The following TPM4 variants were observed in gnomAD, a reference collection of about 807,000 sequenced individuals.
TPM4 encodes tropomyosin 4.
In TPM4, 17 loss-of-function variants were observed where a neutral mutation model predicts 35.8. The observed-to-expected ratio is 0.47, with a 90% CI of 0.32 to 0.71. TPM4 has a LOEUF of 0.71. Ranked by LOEUF, TPM4 falls within the 30% of genes least tolerant of loss-of-function variation. The pLI, the probability that TPM4 is intolerant of heterozygous loss-of-function variation, is 0.03. For missense variants in TPM4, 240 were observed against 320.9 expected, an observed-to-expected ratio of 0.75 and a Z score of 1.93; for synonymous variants, 120 against 122.9, an observed-to-expected ratio of 0.98 and a Z score of 0.15.
upstream of TPM4, chr19:16,076,238 G>A (rs965713904): frequency 1.2e-4 from 181 of 1,546,802 alleles, no homozygotes; most frequent in Middle Eastern, 9.7e-4. Flanking sequence ...CGGGAAGGCG[G>A]GGAGAGCCGC....
At chr19:16,094,803 G>C (rs905034408) in intron 7 of TPM4, among the ~76,000 whole-genome samples, 4 of 152,118 alleles carry the variant, frequency 2.6e-5, no homozygotes, top group Non-Finnish European at 4.4e-5. Context: ...GAATCTTGGG[G>C]TTCAAATGGA....
At position 16,088,508 on chromosome 19, in the gene TPM4, G is replaced by A. The variant is rs898873351; in HGVS notation, c.455+411G>A. 8 of 1,053,202 alleles carry A rather than the reference G, an allele frequency of 7.6e-6. No homozygotes were observed. The East Asian group carries it at 2.2e-4, about 29-fold the overall frequency. 65.2% of individuals were successfully genotyped at this position (1,053,202 alleles called of 1,614,324 possible). ...TGTTTGGCCGTGACACATTCCTGGC[G>A]GGAAGGTGAGAAGCTTAACCAGAAT... On this transcript the variant is annotated intron_variant, in intron 4 of 7. Transcript: ENST00000643579.
chr19:16,090,937 G>GC (rs749178635), intron 5 of TPM4, among the ~76,000 whole-genome samples: 5 of 150,652 alleles, frequency 3.3e-5, no homozygotes, highest in Non-Finnish European at 5.9e-5. Flanking sequence ...ATATGTGCCA[G>GC]CCCTGGCATA....
chr19:16,084,718 G>T (rs2090526042), intron 2 of TPM4, among the ~76,000 whole-genome samples: 1 of 152,142 alleles, frequency 6.6e-6, no homozygotes, highest in African/African-American at 2.4e-5. Flanking sequence ...TTGATCTCTT[G>T]GGTACTACAA....
rs548458353 is a variant in TPM4, at chr19:16,091,240, C to T, written c.531+2120C>T. ...CTAATTTTTGTATTTTTAGTAGAGA[C>T]GGAGTTTCACCATGTTGGCCAGGCT... On this transcript the variant is annotated intron_variant, in intron 5 of 7. Coordinates refer to ENST00000643579, the MANE Select transcript of TPM4 (RefSeq NM_003290.3). Among the ~76,000 whole-genome samples, 7 of 151,530 alleles carry T rather than the reference C, an allele frequency of 4.6e-5. No homozygotes were observed. The East Asian group carries it at 9.9e-4, about 21-fold the overall frequency.
chr19:16,102,218 A>G lies in TPM4; in HGVS notation c.*872A>G. On this transcript the variant is annotated 3_prime_UTR_variant, in exon 8 of 8. Transcript: ENST00000643579. ...AAAAATTATGGTGACGCCTGCCTGT[A>G]GTCCCAGCTACTCGGGAGGCTGAGG... 1 of 186,954 alleles carries G rather than the reference A, an allele frequency of 5.3e-6. No homozygotes were observed. Among genetic ancestry groups the G allele is most frequent in the Non-Finnish European group, 1.1e-5 (1 of 88,574 alleles). The allele number at this position is 186,954 out of a possible 1,614,324, so 11.6% of individuals were successfully genotyped here.
At chr19:16,071,634 G>A (rs1394546777), upstream of TPM4, among the ~76,000 whole-genome samples, 13 of 152,338 alleles carry the variant, frequency 8.5e-5, no homozygotes, top group Non-Finnish European at 1.5e-5. Flanking sequence ...AGAAGCCAGC[G>A]CCCCACAGGA....
chr19:16,101,093 C>G (rs1248831439), intron 7 of TPM4, 171 bp from the exon 8 acceptor site: 1 of 461,124 alleles, frequency 2.2e-6, no homozygotes, highest in African/African-American at 2.0e-5. Flanking sequence ...ATTGCTTGAG[C>G]CTGGCAGGTG....
chr19:16,099,086 G>GTGTT (rs901003635), intron 7 of TPM4, among the ~76,000 whole-genome samples: 9 of 151,596 alleles, frequency 5.9e-5, no homozygotes, highest in Non-Finnish European at 8.8e-5. Flanking sequence ...GTGTGTGTGT[G>GTGTT]TGTGTGTGTG....
At chr19:16,079,542 A>G (rs912692333) in intron 1 of TPM4, among the ~76,000 whole-genome samples, 2 of 152,202 alleles carry the variant, frequency 1.3e-5, no homozygotes, top group African/African-American at 2.4e-5. Context: ...AGGACACTGC[A>G]ATACGAAACA....
chr19:16,074,419 T>C (rs2144913623), upstream of TPM4: 1 of 152,262 alleles, frequency 6.6e-6, no homozygotes, highest in East Asian at 1.9e-4. Context: ...TCTTGCTGTG[T>C]CCTCACATTG....
intron 3 of TPM4, 41 bp from the exon 4 acceptor site, chr19:16,087,986 T>G: frequency 6.3e-7 from 1 of 1,586,698 alleles, no homozygotes; most frequent in Non-Finnish European, 8.6e-7. Flanking sequence ...AGGACACGGC[T>G]GGTGGGGATC....
At chr19:16,088,145 G>A (rs188115268) in intron 4 of TPM4, 48 bp downstream of exon 4, 42 of 1,576,388 alleles carry the variant, frequency 2.7e-5, no homozygotes, top group East Asian at 2.5e-4. Flanking sequence ...TTCCTGGGGC[G>A]GAGTGGGAAG....
chr19:16,096,634 T>C (rs1177664296), intron 7 of TPM4, among the ~76,000 whole-genome samples: 1 of 152,126 alleles, frequency 6.6e-6, no homozygotes, highest in African/African-American at 2.4e-5. Flanking sequence ...TCACTGTTCA[T>C]CCAGCTCCCA....
chr19:16,088,451 G>A (rs1280027369), intron 4 of TPM4: 75 of 1,101,922 alleles, frequency 6.8e-5, no homozygotes, highest in East Asian at 1.2e-4. Context: ...AGGCTCCCCC[G>A]GTCAGTATGT....
chr19:16,092,052 G>C (rs1052537941), intron 5 of TPM4, among the ~76,000 whole-genome samples: 3 of 150,632 alleles, frequency 2.0e-5, no homozygotes, highest in African/African-American at 7.3e-5. Flanking sequence ...GCGCCTGTAG[G>C]CCCAGCTACT....
At position 16,085,632 on chromosome 19, in the gene TPM4, C is replaced by G. The variant is rs1033986070; in HGVS notation, c.267-791C>G. Among the ~76,000 whole-genome samples, 5 of 152,206 alleles carry G rather than the reference C, an allele frequency of 3.3e-5. No homozygotes were observed. The East Asian group carries it at 5.8e-4, about 18-fold the overall frequency. On this transcript the variant is annotated intron_variant, in intron 2 of 7. Transcript: ENST00000643579. Reference sequence around the variant, plus strand: ...CAGACTGCCAAGGGCTGAGCCTCAGCTCTACCACTTACCAGCTCTGTAACC... The same window carrying G: ...CAGACTGCCAAGGGCTGAGCCTCAGGTCTACCACTTACCAGCTCTGTAACC...
intron 2 of TPM4, among the ~76,000 whole-genome samples, chr19:16,068,745 GAGC>G (rs1263658517): frequency 2.0e-5 from 3 of 152,176 alleles, no homozygotes; most frequent in Admixed American, 2.0e-4. Flanking sequence ...GTGTGTGTGA[GAGC>G]AGTTCTGTGT....
chr19:16,089,715 C>T (rs2090602798), intron 5 of TPM4, among the ~76,000 whole-genome samples: 1 of 148,128 alleles, frequency 6.8e-6, no homozygotes, highest in Non-Finnish European at 1.5e-5. Context: ...GTTGCCCAGG[C>T]TGGAATTCAG....
Sources: gnomAD v4.1 joint callset for allele counts (sites outside exome capture counted in the v4.1 genomes callset) on GRCh38, gnomAD v4.1.1 for gene constraint, MANE v1.5 for transcripts, NCBI Gene and HGNC (gene_info 2026-07-23, HGNC 2026-07-21) for gene names.